Variants in GABRB1 observed in about 807,000 individuals in gnomAD.
GABRB1 encodes the protein gamma-aminobutyric acid receptor subunit beta-1.
Under a neutral mutation model 51.6 loss-of-function variants are expected in GABRB1, and 17 were observed. The ratio of observed to expected loss-of-function variants is 0.33; its 90% CI spans 0.23 to 0.49. The LOEUF is 0.49. Among genes scored for constraint, GABRB1 ranks in the 20% least tolerant of loss-of-function variants. The pLI is 0.99. For synonymous variants in GABRB1, 247 were observed against 218.9 expected (o/e 1.13, Z -1.14); for missense variants, 410 against 600.6 (o/e 0.68, Z 3.32).
intron 4 of GABRB1, among the ~76,000 whole-genome samples, chr4:47,199,346 T>C (rs1230513906): frequency 6.6e-6 from 1 of 152,168 alleles, no homozygotes; most frequent in Non-Finnish European, 1.5e-5. Flanking sequence ...GGTCAGATTA[T>C]TTATTCACAC....
intron 3 of GABRB1, among the ~76,000 whole-genome samples, chr4:47,117,806 C>T (rs2109641442): frequency 6.6e-6 from 1 of 152,216 alleles, no homozygotes; most frequent in South Asian, 2.1e-4. Context: ...CCAGTTTCCT[C>T]ATTTGTGTGA....
intron 3 of GABRB1, among the ~76,000 whole-genome samples, chr4:47,057,236 T>C (rs959046943): frequency 3.3e-5 from 5 of 152,226 alleles, no homozygotes; most frequent in African/African-American, 7.2e-5. Flanking sequence ...TCTCTCATTG[T>C]GTCTCTGCTG....
chr4:47,248,827 G>A (rs1033298846), intron 4 of GABRB1, among the ~76,000 whole-genome samples: 10 of 151,846 alleles, frequency 6.6e-5, no homozygotes, highest in African/African-American at 1.9e-4. Flanking sequence ...TTGGTCTTTC[G>A]TATTGCAGTG....
intron 3 of GABRB1, among the ~76,000 whole-genome samples, chr4:47,127,697 A>C (rs924317945): frequency 4.6e-5 from 7 of 151,806 alleles, no homozygotes; most frequent in African/African-American, 1.2e-4. Context: ...CCCTTTCAAC[A>C]TCATCTTCAC....
rs529313232 is a variant in GABRB1 at position 47,206,887 on chromosome 4, T to C, written c.461+45418T>C. Among the ~76,000 whole-genome samples, 401 of 151,810 alleles carry C rather than the reference T, an allele frequency of 2.6e-3. 2 individuals are homozygous for C. The highest frequency in any genetic ancestry group is 9.1e-3 in the African/African-American group (378 of 41,506). On this transcript the variant is annotated intron_variant, in intron 4 of 8. Coordinates refer to ENST00000295454, the MANE Select transcript of GABRB1 (RefSeq NM_000812.4). Reference sequence around the variant, plus strand: ...ATATATGTGTGTGTGTATGTATATATATATGTATATGTGTGTGTGTTTATC... The same window carrying C: ...ATATATGTGTGTGTGTATGTATATACATATGTATATGTGTGTGTGTTTATC...
chr4:47,310,621 G>T (rs1034977884), intron 4 of GABRB1, among the ~76,000 whole-genome samples: 12 of 152,098 alleles, frequency 7.9e-5, no homozygotes, highest in African/African-American at 2.9e-4. Flanking sequence ...GTCTATCTGG[G>T]TTTGAATCTC....
intron 1 of GABRB1, among the ~76,000 whole-genome samples, chr4:47,025,673 G>A (rs2109457284): frequency 6.6e-6 from 1 of 151,998 alleles, no homozygotes; most frequent in East Asian, 1.9e-4. Context: ...GTTAATTAAT[G>A]AAGAATATGT....
At chr4:47,265,721 T>G (rs1434573568) in intron 4 of GABRB1, among the ~76,000 whole-genome samples, 3 of 152,208 alleles carry the variant, frequency 2.0e-5, no homozygotes, top group Non-Finnish European at 4.4e-5. Flanking sequence ...CATATGCTTG[T>G]TGGCCATTTA....
intron 4 of GABRB1, among the ~76,000 whole-genome samples, chr4:47,165,939 A>T (rs1718163608): frequency 6.6e-6 from 1 of 152,044 alleles, no homozygotes; most frequent in South Asian, 2.1e-4. Flanking sequence ...ACTGAGACTT[A>T]ATCTGTTGCT....
At chr4:47,005,868 T>A (rs945484767) in intron 1 of GABRB1, among the ~76,000 whole-genome samples, 1 of 148,166 alleles carries the variant, frequency 6.7e-6, no homozygotes, top group Non-Finnish European at 1.5e-5. Context: ...AGCCAAACTT[T>A]CAGGATTTTA....
chr4:46,995,473 C>T (rs1295784704), intron 1 of GABRB1, among the ~76,000 whole-genome samples: 1 of 152,136 alleles, frequency 6.6e-6, no homozygotes, highest in Admixed American at 6.5e-5. Context: ...ATCCTTCTAC[C>T]TCAGCCTTCT....
intron 3 of GABRB1, among the ~76,000 whole-genome samples, chr4:47,052,055 A>ATGTGG (rs1726373034): frequency 6.6e-6 from 1 of 152,096 alleles, no homozygotes; most frequent in South Asian, 2.1e-4. Flanking sequence ...GCTTGAACCC[A>ATGTGG]GGAGGTAGAG....
chr4:47,316,898 A>C (rs1384873832), intron 4 of GABRB1, among the ~76,000 whole-genome samples: 5 of 152,006 alleles, frequency 3.3e-5, no homozygotes, highest in Admixed American at 2.6e-4. Flanking sequence ...ACAGAGGCTT[A>C]AAACCATAAT....
chr4:47,293,245 G>T (rs1406016146), intron 4 of GABRB1, among the ~76,000 whole-genome samples: 5 of 152,122 alleles, frequency 3.3e-5, no homozygotes, highest in Non-Finnish European at 5.9e-5. Flanking sequence ...GGGTTCAAGT[G>T]ATTCTCCTGC....
At chr4:47,180,393 G>A (rs1475641215) in intron 4 of GABRB1, among the ~76,000 whole-genome samples, 2 of 152,046 alleles carry the variant, frequency 1.3e-5, no homozygotes, top group South Asian at 2.1e-4. Flanking sequence ...AAATATTTCT[G>A]ATAAAAAACA....
intron 4 of GABRB1, among the ~76,000 whole-genome samples, chr4:47,212,761 T>A (rs1458996385): frequency 2.0e-5 from 3 of 152,136 alleles, no homozygotes; most frequent in East Asian, 1.9e-4. Flanking sequence ...CTATAAAAAA[T>A]AAATTCTTTA....
chr4:47,166,273 A>G (rs1000021886), intron 4 of GABRB1, among the ~76,000 whole-genome samples: 1 of 152,004 alleles, frequency 6.6e-6, no homozygotes, highest in Non-Finnish European at 1.5e-5. Context: ...TTTTTTTTCA[A>G]TAAAAGTTAC....
intron 5 of GABRB1, among the ~76,000 whole-genome samples, chr4:47,364,250 GA>G (rs1442536048): frequency 6.6e-6 from 1 of 152,122 alleles, no homozygotes. Context: ...GCCATTAGGG[GA>G]ATAATTAAAA....
At chr4:47,052,229 T>A (rs1378391797) in intron 3 of GABRB1, among the ~76,000 whole-genome samples, 10 of 152,170 alleles carry the variant, frequency 6.6e-5, no homozygotes, top group Non-Finnish European at 5.9e-5. Flanking sequence ...TTCCCCTTTT[T>A]ACACTGAAGC....
Sources: gnomAD v4.1 joint callset for allele counts (sites outside exome capture counted in the v4.1 genomes callset) on GRCh38, gnomAD v4.1.1 for gene constraint, MANE v1.5 for transcripts, NCBI Gene and HGNC (gene_info 2026-07-23, HGNC 2026-07-21) for gene names.